The following DAB1 variants were observed in gnomAD, a reference collection of about 807,000 sequenced individuals.
DAB1 encodes the protein DAB adaptor protein 1, also known as disabled homolog 1.
Under a neutral mutation model 64.6 loss-of-function variants are expected in DAB1, and 15 were observed. The observed-to-expected ratio is 0.23, with a 90% confidence interval of 0.16 to 0.36. The LOEUF (loss-of-function observed/expected upper bound fraction) is 0.36, where lower values mean the gene tolerates loss of function less well. Ranked by LOEUF, DAB1 falls within the 10% of genes least tolerant of loss-of-function variation. DAB1 has a pLI of 1.00. For synonymous variants in DAB1, 235 were observed against 251.9 expected (o/e 0.93, Z 0.64); for missense variants, 596 against 706.7 (o/e 0.84, Z 1.78).
intron 2 of DAB1, among the ~76,000 whole-genome samples, chr1:57,247,278 C>T (rs895917281): frequency 1.3e-5 from 2 of 152,252 alleles, no homozygotes; most frequent in South Asian, 4.2e-4. Flanking sequence ...CCTTGCTGTT[C>T]TCATGATAGC....
chr1:58,161,215 G>T (rs1275392133), intron 4 of DAB1, among the ~76,000 whole-genome samples: 1 of 152,204 alleles, frequency 6.6e-6, no homozygotes, highest in Non-Finnish European at 1.5e-5. Context: ...AATTGGCACT[G>T]TGATAAACAA....
intron 4 of DAB1, among the ~76,000 whole-genome samples, chr1:57,102,346 C>G (rs1411692809): frequency 1.3e-5 from 2 of 152,176 alleles, no homozygotes; most frequent in African/African-American, 4.8e-5. Context: ...TAAGCTTAAA[C>G]TCTTCTGAAG....
intron 7 of DAB1, among the ~76,000 whole-genome samples, chr1:57,537,786 A>G (rs1644747750): frequency 6.6e-6 from 1 of 152,174 alleles, no homozygotes; most frequent in African/African-American, 2.4e-5. Flanking sequence ...GGAGCATCTG[A>G]GGCTGAGTAA....
intron 4 of DAB1, among the ~76,000 whole-genome samples, chr1:58,237,525 T>C (rs1189879060): frequency 6.6e-6 from 1 of 152,168 alleles, no homozygotes; most frequent in Non-Finnish European, 1.5e-5. Context: ...GTCATTTTTT[T>C]CTTTTTTCTT....
chr1:57,912,364 T>C (rs925772620), intron 5 of DAB1, among the ~76,000 whole-genome samples: 8 of 152,188 alleles, frequency 5.3e-5, no homozygotes, highest in African/African-American at 1.9e-4. Flanking sequence ...AGGCTTACCT[T>C]ACGCAGGTGC....
At chr1:57,235,146 G>C (rs1444419911) in intron 2 of DAB1, among the ~76,000 whole-genome samples, 1 of 152,204 alleles carries the variant, frequency 6.6e-6, no homozygotes, top group African/African-American at 2.4e-5. Context: ...CTAACACAGA[G>C]TTATGTCCAA....
chr1:57,590,202 T>G (rs1292534651), intron 7 of DAB1, among the ~76,000 whole-genome samples: 1 of 152,186 alleles, frequency 6.6e-6, no homozygotes, highest in Non-Finnish European at 1.5e-5. Flanking sequence ...CTTTCTTCTA[T>G]GCACACCCAC....
intron 7 of DAB1, among the ~76,000 whole-genome samples, chr1:57,429,250 C>A (rs1478850037): frequency 6.6e-6 from 1 of 152,100 alleles, no homozygotes; most frequent in Non-Finnish European, 1.5e-5. Flanking sequence ...TATTAAGCAA[C>A]TTTTTACATG....
intron 3 of DAB1, among the ~76,000 whole-genome samples, chr1:58,466,775 A>C (rs1645300707): frequency 6.6e-6 from 1 of 152,064 alleles, no homozygotes; most frequent in Non-Finnish European, 1.5e-5. Flanking sequence ...TTACCACCAC[A>C]GCCCGGTTGA....
chr1:57,347,536 A>G (rs1190676195), intron 1 of DAB1, among the ~76,000 whole-genome samples: 1 of 152,156 alleles, frequency 6.6e-6, no homozygotes, highest in Non-Finnish European at 1.5e-5. Context: ...CCAATGATCC[A>G]CTTTGGTTCC....
chr1:58,142,541 T>C (rs915992255), intron 5 of DAB1, among the ~76,000 whole-genome samples: 2 of 152,118 alleles, frequency 1.3e-5, no homozygotes, highest in Non-Finnish European at 2.9e-5. Flanking sequence ...CATAAGAGCC[T>C]AAATCAGAGC....
intron 4 of DAB1, among the ~76,000 whole-genome samples, chr1:58,185,987 C>T (rs1657056775): frequency 6.6e-6 from 1 of 152,180 alleles, no homozygotes; most frequent in Non-Finnish European, 1.5e-5. Context: ...GCCTTCTGTT[C>T]TAACAGCAAA....
chr1:57,910,194 C>T (rs893492768), intron 5 of DAB1, among the ~76,000 whole-genome samples: 14 of 152,306 alleles, frequency 9.2e-5, no homozygotes, highest in Middle Eastern at 3.4e-3. Context: ...CCTTCTGCTC[C>T]CCTGGGCTTG....
chr1:57,454,558 G>A (rs1686508962), intron 7 of DAB1, among the ~76,000 whole-genome samples: 2 of 151,984 alleles, frequency 1.3e-5, no homozygotes, highest in Non-Finnish European at 2.9e-5. Context: ...ATTGGGTGCT[G>A]GGCTTAGTAC....
intron 7 of DAB1, among the ~76,000 whole-genome samples, chr1:57,531,839 C>G (rs1167318170): frequency 6.6e-6 from 1 of 152,048 alleles, no homozygotes; most frequent in African/African-American, 2.4e-5. Context: ...ATGCTACCAA[C>G]AAGGATGTCA....
Position 58,204,093 on chromosome 1 carries a change from T to C in DAB1, n.310-53505A>G, listed in dbSNP as rs77427560. On this transcript the variant is annotated intron_variant and non_coding_transcript_variant, in intron 4 of 20. Transcript: ENST00000485760. ...GGCCACAGAGCAAGCATCAAGTTCA[T>C]TATGTGGCTCAGTTTTGAACTGCCA... is the stretch of plus-strand genomic sequence containing the variant. 1.3e-3 allele frequency among the ~76,000 whole-genome samples: 201 copies of C among 152,308 alleles called. 2 individuals are homozygous for C. The East Asian group carries it at 0.033, about 25-fold the overall frequency.
At chr1:57,758,964 C>T (rs1648942917) in intron 6 of DAB1, among the ~76,000 whole-genome samples, 1 of 152,144 alleles carries the variant, frequency 6.6e-6, no homozygotes, top group Admixed American at 6.5e-5. Context: ...CTTGTAATTA[C>T]CTCTTTGGAA....
chr1:58,201,991 T>G (rs2100265809), intron 4 of DAB1, among the ~76,000 whole-genome samples: 1 of 152,242 alleles, frequency 6.6e-6, no homozygotes, highest in Admixed American at 6.5e-5. Context: ...AGCAAGCTCC[T>G]CAGCCCCTCC....
At chr1:57,475,364 G>GCCTA in intron 7 of DAB1, among the ~76,000 whole-genome samples, 1 of 152,320 alleles carries the variant, frequency 6.6e-6, no homozygotes, top group Admixed American at 6.5e-5. Context: ...AAGTGGAAGA[G>GCCTA]CCTACCTCTC....
Sources: gnomAD v4.1 joint callset for allele counts (sites outside exome capture counted in the v4.1 genomes callset) on GRCh38, gnomAD v4.1.1 for gene constraint, MANE v1.5 for transcripts, NCBI Gene and HGNC (gene_info 2026-07-23, HGNC 2026-07-21) for gene names.